AP3B2: variants seen among roughly 807,000 people sequenced by gnomAD.
The protein encoded by AP3B2 is AP-3 complex subunit beta-2.
AP3B2 carries 50 observed loss-of-function variants against 126.9 expected under a neutral mutation model. The observed-to-expected ratio is 0.39, with a 90% CI of 0.31 to 0.50. The LOEUF is 0.50. Ranked by LOEUF, AP3B2 falls within the 20% of genes least tolerant of loss-of-function variation. AP3B2 has a pLI of 0.79. For missense variants in AP3B2, 1,177 were observed against 1,426.4 expected (o/e 0.83, Z 2.82); for synonymous variants, 541 against 565.0 (o/e 0.96, Z 0.60).
At chr15:82,660,440 A>G (rs186003499) in intron 25 of AP3B2, among the ~76,000 whole-genome samples, 24 of 152,340 alleles carry the variant, frequency 1.6e-4, no homozygotes, top group Admixed American at 1.2e-3. Context: ...GCCAGAATCC[A>G]GTAGTCACAT....
chr15:82,667,535 A>G (rs1368050013), intron 14 of AP3B2, among the ~76,000 whole-genome samples: 1 of 152,226 alleles, frequency 6.6e-6, no homozygotes, highest in South Asian at 2.1e-4. Flanking sequence ...AAGGTCATGT[A>G]GGGTTCACAG....
intron 4 of AP3B2, among the ~76,000 whole-genome samples, chr15:82,684,219 G>A (rs117028427): frequency 0.018 from 2,701 of 152,294 alleles, 30 homozygotes; most frequent in Non-Finnish European, 0.026. Context: ...GTAAGAGGCT[G>A]TTTCATTTAC....
chr15:82,693,254 T>C (rs1305472371), intron 1 of AP3B2, among the ~76,000 whole-genome samples: 1 of 127,464 alleles, frequency 7.8e-6, no homozygotes, highest in African/African-American at 2.9e-5. Context: ...TGCAGCACTT[T>C]TTTTTTTTTT....
Position 82,680,342 on chromosome 15 carries a change from A to G in AP3B2, c.1056-113T>C, listed in dbSNP as rs2151440608. On this transcript the variant is annotated intron_variant, in intron 8 of 26. Transcript: ENST00000535359. This position sits in a 1 kb window ranked among gnomAD's most constrained non-coding sequence, Gnocchi z 6.1. ...CGGGGAGAGGACCAGTGCGGAGGGC[A>G]GGACTACGGTCAGTGTGGAGCGGGT... is the stretch of plus-strand genomic sequence containing the variant. 1.3e-6 allele frequency: 2 copies of G among 1,530,428 alleles called. No homozygotes were observed. Among genetic ancestry groups the G allele is most frequent in the Non-Finnish European group, 8.9e-7 (1 of 1,129,724 alleles). 94.8% of individuals were successfully genotyped at this position (1,530,428 alleles called of 1,614,324 possible).
rs2048011496 is a variant in AP3B2, at chr15:82,664,269, T to C, written c.2261+98A>G. ...CAGCCCCACCCAGCTCACGAGGGGCTCAGGGGCTCTTAGGAGACTGGCTAA... is the reference window on the plus strand; with the variant it reads ...CAGCCCCACCCAGCTCACGAGGGGCCCAGGGGCTCTTAGGAGACTGGCTAA... On this transcript the variant is annotated intron_variant, in intron 19 of 26. Transcript: ENST00000535359. This position sits in a 1 kb window ranked among gnomAD's most constrained non-coding sequence, Gnocchi z 4.5. 1.9e-6 allele frequency: 3 copies of C among 1,582,002 alleles called. No individual in the cohort carries two copies. In the Admixed American group the frequency reaches 5.1e-5, roughly 27 times the overall value.
At chr15:82,692,198 G>A in intron 1 of AP3B2, 2 of 1,405,580 alleles carry the variant, frequency 1.4e-6, no homozygotes, top group Admixed American at 2.1e-5. Flanking sequence ...CTGCATCTCG[G>A]GGGTCCTCAA....
intron 14 of AP3B2, among the ~76,000 whole-genome samples, chr15:82,673,853 C>T (rs982449662): frequency 4.6e-5 from 7 of 152,148 alleles, no homozygotes; most frequent in African/African-American, 2.4e-5. Context: ...ACTGTAAAGG[C>T]GGTCACATGG....
chr15:82,680,148 G>A lies in AP3B2; in HGVS notation c.1110+27C>T, dbSNP rs774186050. On this transcript the variant is annotated intron_variant, in intron 9 of 26. Coordinates refer to ENST00000535359, the MANE Select transcript of AP3B2 (RefSeq NM_001278512.2). This position sits in a 1 kb window ranked among gnomAD's most constrained non-coding sequence, Gnocchi z 6.1. ...CCCGCAGAAGCGGCCCTCGGACAGC[G>A]AGGACAGCCCGCCGTCGCAGGCTCA... 6.2e-7 allele frequency: 1 copy of A among 1,612,402 alleles called. No homozygotes were observed. The highest frequency in any genetic ancestry group is 1.3e-5 in the African/African-American group (1 of 74,930).
At position 82,665,622 on chromosome 15, in the gene AP3B2, G is replaced by T; in HGVS notation, c.1853-47C>A. The T allele has an allele frequency of 6.8e-7, 1 of 1,470,554 alleles. No homozygotes were observed. The highest frequency in any genetic ancestry group is 9.5e-7 in the Non-Finnish European group (1 of 1,056,094). The allele number at this position is 1,470,554 out of a possible 1,614,324, so 91.1% of individuals were successfully genotyped here. On this transcript the variant is annotated intron_variant, in intron 15 of 26. Coordinates refer to ENST00000535359, the MANE Select transcript of AP3B2 (RefSeq NM_001278512.2). This position sits in a 1 kb window ranked among gnomAD's most constrained non-coding sequence, Gnocchi z 4.4. ...AGGCAGGTAGCAGCAGTGAGGGAAA[G>T]CTCTGGGAGCTGTTTTCCAGGTGGG...
intron 1 of AP3B2, chr15:82,692,180 A>G: frequency 6.8e-7 from 1 of 1,466,776 alleles, no homozygotes; most frequent in Non-Finnish European, 9.4e-7. Context: ...TTCCATAAAT[A>G]GCATCCTCTG....
intron 1 of AP3B2, among the ~76,000 whole-genome samples, chr15:82,696,090 CTT>C (rs2048625232): frequency 6.6e-6 from 1 of 152,122 alleles, no homozygotes; most frequent in Non-Finnish European, 1.5e-5. Context: ...CAAATTTCCT[CTT>C]CTTATAAAGA....
intron 1 of AP3B2, among the ~76,000 whole-genome samples, chr15:82,695,511 A>T (rs998590828): frequency 1.3e-5 from 2 of 152,054 alleles, no homozygotes; most frequent in South Asian, 4.1e-4. Flanking sequence ...CCTTCATAAA[A>T]ACCCAAGAGG....
chr15:82,670,118 G>GGC (rs1161980260), intron 14 of AP3B2, among the ~76,000 whole-genome samples: 1 of 136,380 alleles, frequency 7.3e-6, no homozygotes, highest in African/African-American at 2.8e-5. Context: ...TTTTTGGCGG[G>GGC]GGGGGACGAA....
rs529642370 is a variant in AP3B2 at position 82,662,894 on chromosome 15, C to T, written c.2633G>A (p.Arg878Gln). The T allele has an allele frequency of 3.0e-4, 476 of 1,613,246 alleles. No individual in the cohort carries two copies. The highest frequency in any genetic ancestry group is 2.2e-4 in the Admixed American group (13 of 59,942). ...AGCTACCCGGTGCAGCAGCTCCTGC[C>T]GCCCAACACCCGATACTGGACTCAG... ...SLLSPVSGVGRQELLHRVAGE... is the reference protein window; with the variant it reads ...SLLSPVSGVGQQELLHRVAGE... The change falls in exon 23 of 27, where the codon CGG (arginine) becomes CAG (glutamine). Residue 878 changes from arginine to glutamine, a missense_variant. Physicochemically the swap from Arg to Gln is conservative, Grantham distance 43. This residue lies in a region of AP3B2 where 587 missense variants were observed against 571.3 expected (regional missense o/e 1.03). Transcript: ENST00000535359.
intron 1 of AP3B2, among the ~76,000 whole-genome samples, chr15:82,700,397 C>CTTTTTTATTTTTTT (rs2048700223): frequency 2.9e-5 from 1 of 35,086 alleles, no homozygotes; most frequent in African/African-American, 1.0e-4. Context: ...TGGTGGGTGG[C>CTTTTTTATTTTTTT]TTTTTTTTTT....
Position 82,659,998 on chromosome 15 carries a change from C to T in AP3B2, c.3017-15G>A, listed in dbSNP as rs771782287. 1.1e-5 allele frequency: 18 copies of T among 1,613,000 alleles called. No homozygotes were observed. Among genetic ancestry groups the T allele is most frequent in the African/African-American group, 6.7e-5 (5 of 74,876 alleles). ...CATCAGCTTTCCTGGGGGTAGAGGT[C>T]GTGATGAGGGCAGAGGCCATGGTGG... On this transcript the variant is annotated splice_polypyrimidine_tract_variant and intron_variant, in intron 25 of 26. Transcript: ENST00000535359.
intron 1 of AP3B2, among the ~76,000 whole-genome samples, chr15:82,696,757 G>T (rs1470185176): frequency 6.6e-6 from 1 of 152,174 alleles, no homozygotes; most frequent in Non-Finnish European, 1.5e-5. Flanking sequence ...AGATGCCCTT[G>T]TGCAGTGAAC....
chr15:82,682,991 A>G (rs145144815), intron 4 of AP3B2, among the ~76,000 whole-genome samples: 241 of 148,952 alleles, frequency 1.6e-3, no homozygotes, highest in Non-Finnish European at 2.5e-3. Context: ...AAGTTTATGT[A>G]ATATTCTAAA....
intron 1 of AP3B2, among the ~76,000 whole-genome samples, chr15:82,704,336 T>C (rs1398816033): frequency 6.6e-6 from 1 of 152,344 alleles, no homozygotes; most frequent in African/African-American, 2.4e-5. Flanking sequence ...CAGGACTTAA[T>C]TAACCTCGCC....
Sources: allele counts gnomAD v4.1 joint callset (sites outside exome capture counted in the v4.1 genomes callset), GRCh38; gene constraint gnomAD v4.1.1; regional missense constraint gnomAD v4.1.1; non-coding constraint Gnocchi (gnomAD v3.1); transcripts MANE v1.5; gene names NCBI Gene and HGNC (gene_info 2026-07-23, HGNC 2026-07-21).